NAV2: variants seen among roughly 807,000 people sequenced by gnomAD.
NAV2 encodes the protein neuron navigator 2.
A neutral mutation model predicts 223.2 loss-of-function variants in NAV2; 54 were observed. The ratio of observed to expected loss-of-function variants is 0.24; its 90% CI spans 0.19 to 0.30. The LOEUF (loss-of-function observed/expected upper bound fraction) is 0.30, where lower values mean the gene tolerates loss of function less well. Among genes scored for constraint, NAV2 ranks in the 10% least tolerant of loss-of-function variants. The pLI is 1.00. For synonymous variants in NAV2, 1,279 were observed against 1,239.3 expected, an observed-to-expected ratio of 1.03 and a Z score of -0.67; for missense variants, 2,806 against 3,147.5, an observed-to-expected ratio of 0.89 and a Z score of 2.60.
chr11:19,543,986 C>G lies in NAV2; in HGVS notation c.75+192959C>G, dbSNP rs1378608630. On this transcript the variant is annotated intron_variant, in intron 1 of 37. Coordinates refer to the NAV2 transcript ENST00000360655. ...ATGTAAACTACTTATTTTGCTCTTC[C>G]TGGCCAAAGCTTGTGAATATATACT... Among the ~76,000 whole-genome samples the G allele has an allele frequency of 2.6e-5, 4 of 152,168 alleles. No individual in the cohort carries two copies. In the East Asian group the frequency reaches 7.7e-4, roughly 29 times the overall value.
chr11:19,893,698 G>A (rs1458194575), intron 6 of NAV2, among the ~76,000 whole-genome samples: 1 of 152,182 alleles, frequency 6.6e-6, no homozygotes, highest in African/African-American at 2.4e-5. Context: ...CCAAGGCACT[G>A]GGAACTCTGC....
chr11:20,066,576 C>A (rs1003579134), intron 20 of NAV2, among the ~76,000 whole-genome samples: 1 of 152,076 alleles, frequency 6.6e-6, no homozygotes, highest in African/African-American at 2.4e-5. Flanking sequence ...TGGGCAGGAT[C>A]AGGAGGGAGG....
chr11:19,821,187 G>A (rs1236463186), intron 1 of NAV2, among the ~76,000 whole-genome samples: 2 of 150,710 alleles, frequency 1.3e-5, no homozygotes, highest in Non-Finnish European at 1.5e-5. Flanking sequence ...GTGTGAACCC[G>A]GGAGGCGGAG....
At chr11:19,378,635 G>A (rs961669935) in intron 1 of NAV2, among the ~76,000 whole-genome samples, 5 of 151,668 alleles carry the variant, frequency 3.3e-5, no homozygotes, top group African/African-American at 7.3e-5. Flanking sequence ...GTAGGGAGTC[G>A]CTCACGGAGG....
At chr11:19,360,734 GGAA>G (rs748115298) in intron 1 of NAV2, among the ~76,000 whole-genome samples, 1 of 152,210 alleles carries the variant, frequency 6.6e-6, no homozygotes, top group Non-Finnish European at 1.5e-5. Flanking sequence ...AGAAAGGGGA[GGAA>G]GAAGAAGGCT....
At chr11:19,711,759 A>G (rs1456011753), upstream of NAV2, 4 of 152,210 alleles carry the variant, frequency 2.6e-5, 1 homozygote, top group Non-Finnish European at 5.9e-5. Context: ...CCCAGCTTTT[A>G]TTGGTCTCTT....
intron 1 of NAV2, among the ~76,000 whole-genome samples, chr11:19,443,434 A>G (rs573651154): frequency 6.6e-6 from 1 of 152,196 alleles, no homozygotes; most frequent in Non-Finnish European, 1.5e-5. Flanking sequence ...TCTCCCTGCC[A>G]TGGACCACTC....
intron 1 of NAV2, among the ~76,000 whole-genome samples, chr11:19,820,626 G>A (rs73435642): frequency 0.013 from 1,938 of 152,354 alleles, 41 homozygotes; most frequent in African/African-American, 0.044. Flanking sequence ...AGGCTGGTCA[G>A]CTTGAGTCAG....
intron 1 of NAV2, among the ~76,000 whole-genome samples, chr11:19,460,788 A>T (rs1433897823): frequency 6.6e-6 from 1 of 151,708 alleles, no homozygotes; most frequent in African/African-American, 2.4e-5. Flanking sequence ...AAAGTATAAT[A>T]AAAAAAAATT....
chr11:20,107,794 C>T lies in NAV2; in HGVS notation c.6960+12C>T, dbSNP rs775695135. 2.6e-6 allele frequency: 4 copies of T among 1,565,878 alleles called. No homozygotes were observed. The highest frequency in any genetic ancestry group is 3.5e-6 in the Non-Finnish European group (4 of 1,136,264). On this transcript the variant is annotated intron_variant, in intron 36 of 37. Coordinates refer to ENST00000349880, the MANE Select transcript of NAV2 (RefSeq NM_145117.5). The stretch of plus-strand genomic sequence containing the variant: ...GAGAAGGACTCCAGGTGAGAAGACA[C>T]CCCTGCTGGCTTCCTTGAAGCTGAG...
intron 1 of NAV2, among the ~76,000 whole-genome samples, chr11:19,730,844 T>C (rs1413203091): frequency 1.3e-5 from 2 of 152,182 alleles, no homozygotes; most frequent in Admixed American, 6.5e-5. Flanking sequence ...TCCCCAATAG[T>C]CTAGCCTGCC....
intron 1 of NAV2, among the ~76,000 whole-genome samples, chr11:19,502,332 T>C (rs1240353713): frequency 1.3e-5 from 2 of 152,224 alleles, no homozygotes; most frequent in East Asian, 1.9e-4. Flanking sequence ...CATAGGCTTG[T>C]TCTGAGGATT....
intron 10 of NAV2, among the ~76,000 whole-genome samples, chr11:19,951,368 C>T (rs1722535227): frequency 6.6e-6 from 1 of 152,120 alleles, no homozygotes; most frequent in South Asian, 2.1e-4. Context: ...ATGACCTGGT[C>T]AACTTAGAGC....
rs374168076 is a variant in NAV2 at position 19,830,715 on chromosome 11, G to A, written c.268-1769G>A. Among the ~76,000 whole-genome samples, 7 of 152,198 alleles carry A rather than the reference G, an allele frequency of 4.6e-5. No individual in the cohort carries two copies. In the East Asian group the frequency reaches 5.8e-4, roughly 13 times the overall value. ...CTACTCTTGTGGAGCCTACAGAACCGGGACCTGAACCCATGTCTGCTTCTT... is the reference window on the plus strand; with the variant it reads ...CTACTCTTGTGGAGCCTACAGAACCAGGACCTGAACCCATGTCTGCTTCTT... On this transcript the variant is annotated intron_variant, in intron 1 of 37. Coordinates refer to ENST00000349880, the MANE Select transcript of NAV2 (RefSeq NM_145117.5).
upstream of NAV2, among the ~76,000 whole-genome samples, chr11:19,709,169 C>A (rs1019139046): frequency 4.0e-5 from 6 of 149,084 alleles, no homozygotes; most frequent in African/African-American, 1.5e-4. Context: ...AATAGCTTCC[C>A]CCCGCCCCAC....
intron 1 of NAV2, among the ~76,000 whole-genome samples, chr11:19,832,077 G>A (rs1227546960): frequency 1.3e-5 from 2 of 152,134 alleles, no homozygotes; most frequent in Non-Finnish European, 2.9e-5. Context: ...TGCCTGTTGG[G>A]TGGTAACCTC....
intron 1 of NAV2, among the ~76,000 whole-genome samples, chr11:19,655,696 A>G (rs1269337188): frequency 2.8e-5 from 4 of 143,898 alleles, no homozygotes; most frequent in Non-Finnish European, 6.0e-5. Context: ...GAACAATGAG[A>G]ACACATGGAT....
At chr11:19,924,802 G>A (rs920720) in intron 6 of NAV2, among the ~76,000 whole-genome samples, 3 of 151,890 alleles carry the variant, frequency 2.0e-5, no homozygotes, top group African/African-American at 7.3e-5. Context: ...AATTTTGAGC[G>A]CTGTGGAGAG....
intron 22 of NAV2, among the ~76,000 whole-genome samples, chr11:20,071,106 G>GCC (rs35206561): frequency 7.8e-6 from 1 of 128,374 alleles, no homozygotes; most frequent in Non-Finnish European, 1.6e-5. Flanking sequence ...CCCTCCCCTA[G>GCC]CCCCCCACCC....
Sources: allele counts gnomAD v4.1 joint callset (sites outside exome capture counted in the v4.1 genomes callset), GRCh38; gene constraint gnomAD v4.1.1; transcripts MANE v1.5; gene names NCBI Gene and HGNC (gene_info 2026-07-23, HGNC 2026-07-21).